The following TBC1D22A variants were observed in gnomAD, a reference collection of about 807,000 sequenced individuals.
The protein encoded by TBC1D22A is TBC1 domain family member 22A.
Under a neutral mutation model 60.2 loss-of-function variants are expected in TBC1D22A, and 38 were observed. That is an observed-to-expected ratio of 0.63 (90% CI 0.49 to 0.83). TBC1D22A has a LOEUF of 0.83. Ranked by LOEUF, TBC1D22A falls within the 40% of genes least tolerant of loss-of-function variation. TBC1D22A has a pLI of 0.00. For missense variants in TBC1D22A, 628 were observed against 701.0 expected (o/e 0.90, Z 1.18); for synonymous variants, 302 against 281.7 (o/e 1.07, Z -0.72).
intron 7 of TBC1D22A, among the ~76,000 whole-genome samples, chr22:46,898,546 C>CT (rs2068808927): frequency 6.6e-6 from 1 of 151,240 alleles, no homozygotes; most frequent in Non-Finnish European, 1.5e-5. Context: ...TTTTTTTTAA[C>CT]CTAAAACGAC....
chr22:46,919,497 G>A (rs1230643114), intron 8 of TBC1D22A, among the ~76,000 whole-genome samples: 1 of 152,156 alleles, frequency 6.6e-6, no homozygotes, highest in Non-Finnish European at 1.5e-5. Context: ...GTTGCTATGA[G>A]TATTCATGTA....
chr22:46,902,480 A>G (rs907916664), intron 7 of TBC1D22A, among the ~76,000 whole-genome samples: 2 of 152,224 alleles, frequency 1.3e-5, no homozygotes, highest in Admixed American at 1.3e-4. Context: ...ACCATTTCAG[A>G]TTATTCTGTG....
intron 4 of TBC1D22A, among the ~76,000 whole-genome samples, chr22:46,843,321 T>C (rs556252969): frequency 2.6e-5 from 4 of 152,230 alleles, no homozygotes; most frequent in Admixed American, 1.3e-4. Flanking sequence ...GTCATTGATT[T>C]TTATGATAAT....
In TBC1D22A at chr22:47,049,292, G is replaced by C. The variant is rs573744631; in HGVS notation, c.1329+12094G>C. On this transcript the variant is annotated intron_variant, in intron 11 of 12. Coordinates refer to ENST00000337137, the MANE Select transcript of TBC1D22A (RefSeq NM_014346.5). ...CTCCCAGCTCCTGGGCGAACCTCTTGGTACTTAATGGTTGAGCATGCGGAA... is the reference window on the plus strand; with the variant it reads ...CTCCCAGCTCCTGGGCGAACCTCTTCGTACTTAATGGTTGAGCATGCGGAA... Among the ~76,000 whole-genome samples, 7 of 152,318 alleles carry C rather than the reference G, an allele frequency of 4.6e-5. No individual in the cohort carries two copies. The South Asian group carries it at 1.2e-3, about 27-fold the overall frequency.
chr22:47,118,839 C>A (rs1200586335), intron 12 of TBC1D22A, among the ~76,000 whole-genome samples: 1 of 152,010 alleles, frequency 6.6e-6, no homozygotes, highest in Non-Finnish European at 1.5e-5. Context: ...CTAAACTTGC[C>A]TCAAGATAAG....
At chr22:46,926,722 ATTC>A (rs901063225) in intron 8 of TBC1D22A, among the ~76,000 whole-genome samples, 2 of 152,168 alleles carry the variant, frequency 1.3e-5, no homozygotes, top group Admixed American at 6.5e-5. Context: ...AGAAGTAGGA[ATTC>A]TTCTCAAGAC....
At chr22:47,159,085 A>G (rs2067842316) in intron 12 of TBC1D22A, among the ~76,000 whole-genome samples, 1 of 150,694 alleles carries the variant, frequency 6.6e-6, no homozygotes, top group Non-Finnish European at 1.5e-5. Context: ...AACACACACC[A>G]TGTATACACA....
At chr22:47,166,067 C>G (rs908900450) in intron 12 of TBC1D22A, among the ~76,000 whole-genome samples, 2 of 152,240 alleles carry the variant, frequency 1.3e-5, no homozygotes, top group African/African-American at 4.8e-5. Flanking sequence ...AATTTGTAAA[C>G]TTCTGACTTG....
chr22:46,987,265 G>A (rs1466643538), intron 9 of TBC1D22A, among the ~76,000 whole-genome samples: 1 of 152,084 alleles, frequency 6.6e-6, no homozygotes. Flanking sequence ...AGTGGCATTG[G>A]TCACCTCCTG....
chr22:47,066,126 C>T (rs1432440151), intron 11 of TBC1D22A, among the ~76,000 whole-genome samples: 1 of 152,222 alleles, frequency 6.6e-6, no homozygotes, highest in Non-Finnish European at 1.5e-5. Flanking sequence ...AACATGCCAA[C>T]AGCATTTTGG....
chr22:47,150,442 CT>C (rs1175586998), intron 12 of TBC1D22A, among the ~76,000 whole-genome samples: 1 of 152,206 alleles, frequency 6.6e-6, no homozygotes, highest in Non-Finnish European at 1.5e-5. Context: ...GCTCCCATCT[CT>C]GCTCCAGGAG....
At chr22:46,926,657 G>T (rs2071066669) in intron 8 of TBC1D22A, among the ~76,000 whole-genome samples, 1 of 152,078 alleles carries the variant, frequency 6.6e-6, no homozygotes, top group African/African-American at 2.4e-5. Context: ...AATGTAGGTG[G>T]GCCTCCTAAT....
At chr22:47,086,112 C>T (rs1457532850) in intron 11 of TBC1D22A, among the ~76,000 whole-genome samples, 3 of 152,348 alleles carry the variant, frequency 2.0e-5, no homozygotes, top group South Asian at 2.1e-4. Context: ...TGTAGCCCAG[C>T]GCTCTTCTGG....
chr22:46,789,309 T>C (rs776181461), intron 1 of TBC1D22A: 7 of 396,384 alleles, frequency 1.8e-5, no homozygotes, highest in South Asian at 1.2e-4. Context: ...GTATTTTTCA[T>C]AGAGACGGGG....
At chr22:46,833,854 A>C (rs2086409422) in intron 4 of TBC1D22A, among the ~76,000 whole-genome samples, 2 of 152,192 alleles carry the variant, frequency 1.3e-5, no homozygotes, top group Non-Finnish European at 2.9e-5. Context: ...TGATAAACAA[A>C]GGCGTTTTTG....
intron 12 of TBC1D22A, among the ~76,000 whole-genome samples, chr22:47,126,337 G>A (rs1001075881): frequency 4.6e-5 from 7 of 152,214 alleles, no homozygotes; most frequent in Non-Finnish European, 8.8e-5. Context: ...AGAAGACAGG[G>A]ACGCCATGAT....
At chr22:46,946,604 C>T (rs1052098058) in intron 8 of TBC1D22A, among the ~76,000 whole-genome samples, 6 of 152,244 alleles carry the variant, frequency 3.9e-5, no homozygotes, top group South Asian at 2.1e-4. Context: ...GCCTCTGGGA[C>T]TGTGCTTGCG....
intron 4 of TBC1D22A, among the ~76,000 whole-genome samples, chr22:46,869,054 G>A (rs962084542): frequency 1.3e-5 from 2 of 152,170 alleles, no homozygotes; most frequent in Admixed American, 6.5e-5. Flanking sequence ...GCGCCGCTCC[G>A]CTGCCTCCCA....
intron 8 of TBC1D22A, among the ~76,000 whole-genome samples, chr22:46,938,726 C>A (rs1022641931): frequency 6.6e-6 from 1 of 151,966 alleles, no homozygotes; most frequent in African/African-American, 2.4e-5. Flanking sequence ...GCTGGGATTA[C>A]AGGCACCTGC....
Sources: gnomAD v4.1 joint callset for allele counts (sites outside exome capture counted in the v4.1 genomes callset) on GRCh38, gnomAD v4.1.1 for gene constraint, MANE v1.5 for transcripts, NCBI Gene and HGNC (gene_info 2026-07-23, HGNC 2026-07-21) for gene names.